The following RBFOX3 variants were observed in gnomAD, a reference collection of about 807,000 sequenced individuals.
RBFOX3 encodes RNA binding protein fox-1 homolog 3.
In RBFOX3, 17 loss-of-function variants were observed where a neutral mutation model predicts 48.7. The ratio of observed to expected loss-of-function variants is 0.35; its 90% confidence interval spans 0.24 to 0.52. The LOEUF (loss-of-function observed/expected upper bound fraction) is 0.52. Among genes scored for constraint, RBFOX3 ranks in the 20% least tolerant of loss-of-function variants. RBFOX3 has a pLI of 0.94. For synonymous variants in RBFOX3, 212 were observed against 209.5 expected (o/e 1.01, Z -0.10); for missense variants, 382 against 497.5 (o/e 0.77, Z 2.21).
chr17:79,166,721 G>C (rs1006670026), intron 4 of RBFOX3, among the ~76,000 whole-genome samples: 2 of 152,196 alleles, frequency 1.3e-5, no homozygotes, highest in Admixed American at 1.3e-4. Flanking sequence ...CCTCCTGCCA[G>C]GGCTGGCCCC....
intron 2 of RBFOX3, among the ~76,000 whole-genome samples, chr17:79,389,976 G>A (rs78130424): frequency 3.5e-5 from 5 of 142,552 alleles, no homozygotes; most frequent in East Asian, 2.1e-4. Context: ...TGTAGCCTCC[G>A]GGTCTCCGCA....
At chr17:79,557,697 G>A (rs2091886084) in intron 1 of RBFOX3, among the ~76,000 whole-genome samples, 1 of 152,218 alleles carries the variant, frequency 6.6e-6, no homozygotes, top group African/African-American at 2.4e-5. Context: ...ATCAACACAG[G>A]CACAGGCTGA....
intron 1 of RBFOX3, among the ~76,000 whole-genome samples, chr17:79,597,523 C>A (rs1407942910): frequency 1.3e-5 from 2 of 152,204 alleles, no homozygotes; most frequent in Non-Finnish European, 2.9e-5. Flanking sequence ...GCACTTTGCC[C>A]TGCCTGACAG....
chr17:79,180,546 G>T (rs577499725), intron 4 of RBFOX3, among the ~76,000 whole-genome samples: 1 of 152,328 alleles, frequency 6.6e-6, no homozygotes, highest in East Asian at 1.9e-4. Flanking sequence ...ATTTCTAGAG[G>T]CCTGGCCGGG....
At chr17:79,091,055 T>TCCCAGGATGGGGCCCAGGCAG (rs2073792927) in intron 14 of RBFOX3, among the ~76,000 whole-genome samples, 170 bp from the exon 15 acceptor site, 1 of 152,146 alleles carries the variant, frequency 6.6e-6, no homozygotes, top group Non-Finnish European at 1.5e-5. Context: ...TGTGGGTGGA[T>TCCCAGGATGGGGCCCAGGCAG]CCCAGGATGG....
intron 3 of RBFOX3, among the ~76,000 whole-genome samples, chr17:79,272,902 C>T (rs1204919128): frequency 8.0e-6 from 1 of 124,504 alleles, no homozygotes; most frequent in Non-Finnish European, 1.7e-5. Context: ...CTGCTTGCCC[C>T]GTGTCCCCAT....
chr17:79,097,500 G>GCC (rs376066148), intron 10 of RBFOX3, 76 bp from the exon 11 acceptor site: 248 of 1,342,240 alleles, frequency 1.8e-4, no homozygotes, highest in Non-Finnish European at 2.1e-4. Flanking sequence ...CGTACACCTA[G>GCC]CCCCCCCGCG....
intron 5 of RBFOX3, 58 bp from the exon 6 acceptor site, chr17:79,106,846 C>G (rs1207455160): frequency 1.4e-6 from 2 of 1,467,874 alleles, no homozygotes; most frequent in Non-Finnish European, 1.8e-6. Flanking sequence ...TGCCCATCCC[C>G]TCTGCTAAAG....
chr17:79,605,008 T>C, intron 1 of RBFOX3, among the ~76,000 whole-genome samples: 1 of 152,288 alleles, frequency 6.6e-6, no homozygotes, highest in East Asian at 1.9e-4. Flanking sequence ...TCTTCATCCC[T>C]GGGTCTCACC....
At chr17:79,208,674 G>A (rs2147050053) in intron 4 of RBFOX3, 1 of 125,416 alleles carries the variant, frequency 8.0e-6, no homozygotes. Context: ...GAGGCAGAGG[G>A]GAGGCTCTTG....
intron 3 of RBFOX3, among the ~76,000 whole-genome samples, chr17:79,277,555 G>A (rs2069199435): frequency 1.3e-5 from 2 of 152,314 alleles, no homozygotes; most frequent in African/African-American, 4.8e-5. Context: ...TGTTACAGCC[G>A]ACGCGGTATG....
rs193009484 is a variant in RBFOX3 at position 79,362,838 on chromosome 17, C to G, written c.-174-55014G>C. On this transcript the variant is annotated intron_variant, in intron 2 of 14. Transcript: ENST00000693108. This position sits in a 1 kb window ranked among gnomAD's most constrained non-coding sequence, Gnocchi z 4.2. ...GGGTAAAGCGGGAACATCAGACAAC[C>G]CTGAACGCCCGGCTCTGTGTGCAGA... is the stretch of plus-strand genomic sequence containing the variant. Among the ~76,000 whole-genome samples, 2 of 152,138 alleles carry G rather than the reference C, an allele frequency of 1.3e-5. No homozygotes were observed. Among genetic ancestry groups the G allele is most frequent in the Non-Finnish European group, 2.9e-5 (2 of 68,014 alleles).
chr17:79,592,011 G>C (rs1172777905), intron 1 of RBFOX3, among the ~76,000 whole-genome samples: 2 of 151,702 alleles, frequency 1.3e-5, no homozygotes, highest in Non-Finnish European at 2.9e-5. Flanking sequence ...GGAGTGTGGA[G>C]TATTGTAGTG....
rs1349564979 is a variant in RBFOX3, at chr17:79,479,943, G to C, written c.-175+2511C>G. Among the ~76,000 whole-genome samples the C allele has an allele frequency of 6.6e-6, 1 of 152,168 alleles. No individual in the cohort carries two copies. Among genetic ancestry groups the C allele is most frequent in the African/African-American group, 2.4e-5 (1 of 41,430 alleles). ...CAGAGACAGAGCATGATCTCAGGGG[G>C]TCTCTCGTCCTGCACTGAGGCCAGC... On this transcript the variant is annotated intron_variant, in intron 2 of 14. Transcript: ENST00000693108. The surrounding 1 kb of genome is among the most constrained non-coding windows in gnomAD (Gnocchi z 5.1).
chr17:79,474,370 G>T (rs983869583), intron 2 of RBFOX3, among the ~76,000 whole-genome samples: 58 of 152,336 alleles, frequency 3.8e-4, no homozygotes, highest in African/African-American at 1.3e-3. Context: ...ACTTCTGTGT[G>T]ACAGGGTCTG....
Position 79,198,032 on chromosome 17 carries a change from G to A in RBFOX3, c.-34+37734C>T, listed in dbSNP as rs1405800096. 2.6e-5 allele frequency among the ~76,000 whole-genome samples: 4 copies of A among 152,010 alleles called. No homozygotes were observed. The highest frequency in any genetic ancestry group is 4.4e-5 in the Non-Finnish European group (3 of 68,048). On this transcript the variant is annotated intron_variant, in intron 4 of 14. Transcript: ENST00000693108. This position sits in a 1 kb window ranked among gnomAD's most constrained non-coding sequence, Gnocchi z 8.2. Reference sequence around the variant, plus strand: ...TAAGCATGCCGAGTGAATCCATCCCGAGTGCCTCTGTCTGCGTCAGGAGAG... The same window carrying A: ...TAAGCATGCCGAGTGAATCCATCCCAAGTGCCTCTGTCTGCGTCAGGAGAG...
chr17:79,662,143 T>TTTTTTTTTTTTTA, the RBFOX3 span, among the ~76,000 whole-genome samples: 3 of 144,828 alleles, frequency 2.1e-5, no homozygotes, highest in African/African-American at 5.1e-5. Context: ...TTTTTTTTTT[T>TTTTTTTTTTTTTA]GAGTCGGAGT....
At chr17:79,444,348 ACCCT>A (rs1198458876) in intron 2 of RBFOX3, among the ~76,000 whole-genome samples, 1 of 151,852 alleles carries the variant, frequency 6.6e-6, no homozygotes, top group Non-Finnish European at 1.5e-5. Flanking sequence ...ACTCTCAGGC[ACCCT>A]GAGCCCAGTG....
chr17:79,321,917 A>G (rs576268469), intron 2 of RBFOX3, among the ~76,000 whole-genome samples: 57 of 152,082 alleles, frequency 3.7e-4, no homozygotes, highest in Admixed American at 1.4e-3. Context: ...TGTTGGCCAG[A>G]CTGGTCTTGA....
Sources: gnomAD v4.1 joint callset for allele counts (sites outside exome capture counted in the v4.1 genomes callset) on GRCh38, gnomAD v4.1.1 for gene constraint, Gnocchi (gnomAD v3.1) non-coding constraint, MANE v1.5 for transcripts, NCBI Gene and HGNC (gene_info 2026-07-23, HGNC 2026-07-21) for gene names.